Variants in TASP1 observed in about 807,000 individuals in gnomAD.
The protein encoded by TASP1 is threonine aspartase 1.
A neutral mutation model predicts 56.6 loss-of-function variants in TASP1; 16 were observed. That is an observed-to-expected ratio of 0.28 (90% CI 0.19 to 0.43). TASP1 has a LOEUF of 0.43. TASP1 is among the 20% of genes least tolerant of loss of function. The pLI, the probability that TASP1 is intolerant of heterozygous loss-of-function variation, is 1.00. For synonymous variants in TASP1, 179 were observed against 184.2 expected (o/e 0.97, Z 0.23); for missense variants, 393 against 511.6 (o/e 0.77, Z 2.24).
intron 6 of TASP1, among the ~76,000 whole-genome samples, chr20:13,580,028 G>C (rs1444813662): frequency 6.6e-6 from 1 of 152,166 alleles, no homozygotes; most frequent in East Asian, 1.9e-4. Flanking sequence ...AGTGTGACAA[G>C]GTATTAAAGC....
intron 8 of TASP1, among the ~76,000 whole-genome samples, chr20:13,545,197 C>A (rs1162556238): frequency 6.6e-6 from 1 of 152,096 alleles, no homozygotes; most frequent in Non-Finnish European, 1.5e-5. Flanking sequence ...TACTCTTTAT[C>A]CTTTCGTTCC....
intron 4 of TASP1, among the ~76,000 whole-genome samples, chr20:13,620,279 C>CACACACACAA (rs1555806757): frequency 1.3e-5 from 2 of 152,028 alleles, no homozygotes; most frequent in African/African-American, 4.8e-5. Context: ...CACACACACA[C>CACACACACAA]ACACACACAC....
the TASP1 span, among the ~76,000 whole-genome samples, chr20:13,380,028 G>A: frequency 6.6e-6 from 1 of 152,076 alleles, no homozygotes; most frequent in South Asian, 2.1e-4. Context: ...TGCTCCTTTA[G>A]CTTGGAGGAG....
chr20:13,363,978 T>C, the TASP1 span, among the ~76,000 whole-genome samples: 28 of 152,300 alleles, frequency 1.8e-4, 1 homozygote, highest in South Asian at 5.2e-3. Context: ...TGCCAATTTC[T>C]TCCTATGAGG....
chr20:13,555,993 G>A (rs1033920442), intron 8 of TASP1, among the ~76,000 whole-genome samples: 2 of 152,104 alleles, frequency 1.3e-5, no homozygotes, highest in Non-Finnish European at 2.9e-5. Context: ...GGGGCTATTG[G>A]CATCAAGTAA....
At chr20:13,220,184 G>A in the TASP1 span, among the ~76,000 whole-genome samples, 1 of 152,182 alleles carries the variant, frequency 6.6e-6, no homozygotes, top group African/African-American at 2.4e-5. Context: ...GGTAGGAGGA[G>A]GGGAAGCGCA....
intron 4 of TASP1, among the ~76,000 whole-genome samples, chr20:13,588,297 G>A (rs1568618150): frequency 1.2e-3 from 154 of 131,242 alleles, no homozygotes; most frequent in Middle Eastern, 8.5e-3. Flanking sequence ...AAGGAAGGAA[G>A]GAAGGAAGGA....
At chr20:13,433,916 A>G (rs1266943488) in intron 12 of TASP1, among the ~76,000 whole-genome samples, 1 of 152,048 alleles carries the variant, frequency 6.6e-6, no homozygotes, top group Non-Finnish European at 1.5e-5. Flanking sequence ...ATAACACAGC[A>G]ATGAAAATGT....
chr20:13,299,649 T>A, the TASP1 span: 1 of 563,046 alleles, frequency 1.8e-6, no homozygotes, highest in South Asian at 3.0e-5. The surrounding 1 kb of genome is among the most constrained non-coding windows in gnomAD (Gnocchi z 5.8). Context: ...GAAGCCGCCC[T>A]CGCCATCTGC....
chr20:13,336,396 G>T, the TASP1 span, among the ~76,000 whole-genome samples: 9 of 152,172 alleles, frequency 5.9e-5, no homozygotes, highest in African/African-American at 2.2e-4. Context: ...ATCTCCCAGG[G>T]ATGGGTTCTT....
At chr20:13,248,745 C>T in the TASP1 span, among the ~76,000 whole-genome samples, 10,452 of 152,246 alleles carry the variant, frequency 0.069, 477 homozygotes, top group Middle Eastern at 0.14. Flanking sequence ...CTTTTGAGGC[C>T]GTTCCCTTGA....
the TASP1 span, among the ~76,000 whole-genome samples, chr20:13,210,090 T>C: frequency 9.8e-5 from 15 of 152,340 alleles, no homozygotes; most frequent in South Asian, 8.3e-4. Flanking sequence ...AATGGAATGA[T>C]ACAGAATGTA....
chr20:13,505,905 G>C (rs73080084), intron 10 of TASP1, among the ~76,000 whole-genome samples: 2,462 of 151,916 alleles, frequency 0.016, 31 homozygotes, highest in Non-Finnish European at 0.026. Flanking sequence ...AAATAACAAA[G>C]ATCAGAGCAG....
At chr20:13,265,434 A>C in the TASP1 span, among the ~76,000 whole-genome samples, 1 of 152,164 alleles carries the variant, frequency 6.6e-6, no homozygotes, top group African/African-American at 2.4e-5. Context: ...TTCAGTGTAC[A>C]TCAGTCAAGT....
At chr20:13,348,536 G>C in the TASP1 span, among the ~76,000 whole-genome samples, 2 of 152,216 alleles carry the variant, frequency 1.3e-5, no homozygotes, top group African/African-American at 4.8e-5. Flanking sequence ...CCCGTGCCTA[G>C]AGACCTAGCC....
chr20:13,383,219 C>T, the TASP1 span, among the ~76,000 whole-genome samples: 2 of 152,136 alleles, frequency 1.3e-5, no homozygotes, highest in Admixed American at 1.3e-4. Context: ...TTTTGGCTGC[C>T]AGTGCACAGG....
intron 10 of TASP1, among the ~76,000 whole-genome samples, chr20:13,516,077 T>C (rs2044519495): frequency 6.6e-6 from 1 of 152,142 alleles, no homozygotes; most frequent in Non-Finnish European, 1.5e-5. Context: ...CTAAATTTAA[T>C]ATATTTTTTA....
At chr20:13,378,017 A>G in the TASP1 span, among the ~76,000 whole-genome samples, 2 of 152,076 alleles carry the variant, frequency 1.3e-5, no homozygotes, top group Admixed American at 6.5e-5. Flanking sequence ...ATTTTTTCAA[A>G]TAACCCGCTC....
the TASP1 span, among the ~76,000 whole-genome samples, chr20:13,133,927 G>A: frequency 6.6e-6 from 1 of 152,110 alleles, no homozygotes; most frequent in African/African-American, 2.4e-5. Flanking sequence ...TATTCAAAGG[G>A]CCTCAATCCC....
Sources: allele counts gnomAD v4.1 joint callset (sites outside exome capture counted in the v4.1 genomes callset), GRCh38; gene constraint gnomAD v4.1.1; non-coding constraint Gnocchi (gnomAD v3.1); transcripts MANE v1.5; gene names NCBI Gene and HGNC (gene_info 2026-07-23, HGNC 2026-07-21).